MEI1: variants seen among roughly 807,000 people sequenced by gnomAD.
MEI1 encodes meiotic double-stranded break formation protein 1, also known as meiosis inhibitor protein 1.
A neutral mutation model predicts 146.2 loss-of-function variants in MEI1; 103 were observed. The ratio of observed to expected loss-of-function variants is 0.70; its 90% CI spans 0.60 to 0.83. The LOEUF (loss-of-function observed/expected upper bound fraction) is 0.83, where lower values mean the gene tolerates loss of function less well. Among genes scored for constraint, MEI1 ranks in the 40% least tolerant of loss-of-function variants. MEI1 has a pLI of 0.00. For synonymous variants in MEI1, 652 were observed against 628.2 expected (o/e 1.04, Z -0.57); for missense variants, 1,529 against 1,533.0 (o/e 1.00, Z 0.04).
chr22:41,797,966 A>T (rs1347468720), intron 30 of MEI1, among the ~76,000 whole-genome samples: 1 of 152,156 alleles, frequency 6.6e-6, no homozygotes, highest in Non-Finnish European at 1.5e-5. Flanking sequence ...TCGTGCCCAG[A>T]ATCACAGAGC....
chr22:41,779,619 A>C (rs1480086159), intron 22 of MEI1, among the ~76,000 whole-genome samples: 1 of 152,220 alleles, frequency 6.6e-6, no homozygotes, highest in Non-Finnish European at 1.5e-5. Flanking sequence ...CGGAATACTT[A>C]TCTAGTTGTT....
In MEI1 at chr22:41,795,306, T is replaced by C; in HGVS notation, c.3535-105T>C. ...GAGCTCCTTGAAGGCAGGCAGGTTCTGTGGGCTTCAGGACAGTGTCTCCTA... is the reference window on the plus strand; with the variant it reads ...GAGCTCCTTGAAGGCAGGCAGGTTCCGTGGGCTTCAGGACAGTGTCTCCTA... On this transcript the variant is annotated intron_variant, in intron 28 of 30. Coordinates refer to ENST00000401548, the MANE Select transcript of MEI1 (RefSeq NM_152513.4). The surrounding 1 kb of genome is among the most constrained non-coding windows in gnomAD (Gnocchi z 4.2). 1.4e-6 allele frequency: 2 copies of C among 1,480,584 alleles called. No homozygotes were observed. The highest frequency in any genetic ancestry group is 1.3e-5 in the South Asian group (1 of 78,366). 91.7% of individuals were successfully genotyped at this position (1,480,584 alleles called of 1,614,324 possible).
intron 17 of MEI1, among the ~76,000 whole-genome samples, chr22:41,757,968 C>T (rs978456865): frequency 2.0e-5 from 3 of 151,892 alleles, no homozygotes; most frequent in African/African-American, 7.3e-5. Flanking sequence ...ATTAGCTGGG[C>T]GTGGTGGTGG....
intron 19 of MEI1, among the ~76,000 whole-genome samples, chr22:41,765,326 T>A (rs1385809456): frequency 1.3e-5 from 2 of 151,966 alleles, no homozygotes; most frequent in Non-Finnish European, 2.9e-5. Context: ...AGAAAATTTT[T>A]AAAAATTGGC....
At chr22:41,771,610 C>CT (rs11421181) in intron 20 of MEI1, among the ~76,000 whole-genome samples, 123,792 of 149,120 alleles carry the variant, frequency 0.83, 52,189 homozygotes, top group African/African-American at 0.95. Flanking sequence ...TAATTTTTTA[C>CT]TTTTTTTTTT....
In MEI1 at chr22:41,729,782, A is replaced by AG; in HGVS notation, c.979+7dup. The AG allele has an allele frequency of 6.3e-7, 1 of 1,594,294 alleles. No individual in the cohort carries two copies. Among genetic ancestry groups the AG allele is most frequent in the Non-Finnish European group, 8.6e-7 (1 of 1,169,480 alleles). On this transcript the variant is annotated splice_donor_region_variant and intron_variant, in intron 8 of 30. Transcript: ENST00000401548. ...CTTCATCCACGCTGACATCCCAGGT[A>AG]GGGGAACACTTCTAACCTTCTCCTC...
chr22:41,724,373 G>A (rs781609621), intron 7 of MEI1, among the ~76,000 whole-genome samples: 4 of 150,794 alleles, frequency 2.7e-5, no homozygotes, highest in Non-Finnish European at 4.4e-5. Context: ...TAATCCCAGC[G>A]TTTTGGGAGG....
intron 15 of MEI1, among the ~76,000 whole-genome samples, chr22:41,750,136 C>G (rs2073650064): frequency 6.6e-6 from 1 of 152,202 alleles, no homozygotes; most frequent in African/African-American, 2.4e-5. Flanking sequence ...AGACCCCTGT[C>G]CTTGTGAGGC....
chr22:41,729,896 T>C, intron 8 of MEI1, 117 bp downstream of exon 8: 1 of 630,372 alleles, frequency 1.6e-6, no homozygotes, highest in Non-Finnish European at 2.5e-6. Context: ...ATCCTATTGC[T>C]ACAGATTTCT....
At chr22:41,729,874 C>T in intron 8 of MEI1, 95 bp downstream of exon 8, 1 of 701,038 alleles carries the variant, frequency 1.4e-6, no homozygotes, top group Non-Finnish European at 2.2e-6. Context: ...AACTATGTCT[C>T]ATAACATCTG....
At chr22:41,722,184 C>G (rs529204841) in intron 6 of MEI1, 2 of 151,980 alleles carry the variant, frequency 1.3e-5, no homozygotes, top group Admixed American at 1.3e-4. Flanking sequence ...TCCCCTCAGC[C>G]AGGGATGTAG....
rs1323839027 is a variant in MEI1 at position 41,776,171 on chromosome 22, A to G, written c.2614A>G (p.Arg872Gly). Reference protein sequence around the residue: ...VLISLRTFLRRNEDIQVGGLI... With the variant: ...VLISLRTFLRGNEDIQVGGLI... ...GATTAGCCTGAGGACCTTCCTGAGGAGGAATGAGGATATCCAAGTGGGCGG... is the reference window on the plus strand; with the variant it reads ...GATTAGCCTGAGGACCTTCCTGAGGGGGAATGAGGATATCCAAGTGGGCGG... Residue 872 changes from arginine to glycine, a missense_variant, in exon 21 of 31, where the codon AGG (arginine) becomes GGG (glycine). By Grantham distance (125) the Arg-to-Gly change is moderately radical. This residue lies in a region of MEI1 where 1,212 missense variants were observed against 1,178.9 expected (regional missense o/e 1.03). Coordinates refer to ENST00000401548, the MANE Select transcript of MEI1 (RefSeq NM_152513.4). The G allele has an allele frequency of 6.2e-7, 1 of 1,613,970 alleles. No individual in the cohort carries two copies. Among genetic ancestry groups the G allele is most frequent in the East Asian group, 2.2e-5 (1 of 44,870 alleles).
chr22:41,767,473 A>G (rs4461355), intron 19 of MEI1: 17 of 434,932 alleles, frequency 3.9e-5, no homozygotes, highest in Admixed American at 3.3e-4. Context: ...GTGTTAAGGT[A>G]TGTGTCTGAG....
intron 26 of MEI1, among the ~76,000 whole-genome samples, chr22:41,787,076 T>A (rs556905195): frequency 6.6e-6 from 1 of 152,298 alleles, no homozygotes; most frequent in East Asian, 1.9e-4. Context: ...TAGCTCTCTG[T>A]TTCAAGTTTC....
chr22:41,754,378 T>C (rs2073959457), intron 17 of MEI1, among the ~76,000 whole-genome samples: 1 of 151,796 alleles, frequency 6.6e-6, no homozygotes, highest in African/African-American at 2.4e-5. Context: ...GCATTAATAG[T>C]GTGTTCTATT....
In MEI1 at chr22:41,741,920, G is replaced by C. The variant is rs919747884; in HGVS notation, c.1332-1160G>C. Among the ~76,000 whole-genome samples the C allele has an allele frequency of 3.4e-5, 5 of 147,298 alleles. 1 individual carries two copies. The South Asian group carries it at 8.7e-4, about 26-fold the overall frequency. ...GATTGCGCCACTGTACCCCAGCCTG[G>C]TGACAGAGCGAGACTCCATCTCAAA... is the stretch of plus-strand genomic sequence containing the variant. On this transcript the variant is annotated intron_variant, in intron 11 of 30. Transcript: ENST00000401548.
chr22:41,705,459 C>T (rs529763403), intron 2 of MEI1, 45 bp from the exon 3 acceptor site: 239 of 1,571,460 alleles, frequency 1.5e-4, no homozygotes, highest in East Asian at 7.2e-4. Flanking sequence ...TGTGTGCCAC[C>T]GCGCCCTGCC....
intron 1 of MEI1, among the ~76,000 whole-genome samples, chr22:41,700,320 G>C (rs1433184739): frequency 1.3e-5 from 2 of 152,188 alleles, no homozygotes; most frequent in African/African-American, 4.8e-5. Context: ...TGCCTACCGC[G>C]TTTGCAATGA....
chr22:41,761,610 G>A (rs975017039), intron 18 of MEI1, among the ~76,000 whole-genome samples: 7 of 151,898 alleles, frequency 4.6e-5, no homozygotes, highest in East Asian at 3.9e-4. Context: ...CACTGCGCCC[G>A]GCCGACTCAG....
Sources: gnomAD v4.1 joint callset for allele counts (sites outside exome capture counted in the v4.1 genomes callset) on GRCh38, gnomAD v4.1.1 for gene constraint, gnomAD v4.1.1 regional missense constraint, Gnocchi (gnomAD v3.1) non-coding constraint, MANE v1.5 for transcripts, NCBI Gene and HGNC (gene_info 2026-07-23, HGNC 2026-07-21) for gene names.